The following SLC35F1 variants were observed in gnomAD, a reference collection of about 807,000 sequenced individuals.
The protein encoded by SLC35F1 is chromosome 6 open reading frame 169.
In SLC35F1, 14 loss-of-function variants were observed where a neutral mutation model predicts 48.7. That is an observed-to-expected ratio of 0.29 (90% CI 0.19 to 0.45). The LOEUF (loss-of-function observed/expected upper bound fraction) is 0.45, where lower values mean the gene tolerates loss of function less well. Ranked by LOEUF, SLC35F1 falls within the 20% of genes least tolerant of loss-of-function variation. The probability of loss-of-function intolerance (pLI) is 1.00; values close to 1 mark genes in which losing one functional copy is unlikely to be tolerated. For synonymous variants in SLC35F1, 190 were observed against 202.2 expected, an observed-to-expected ratio of 0.94 and a Z score of 0.51; for missense variants, 404 against 500.0, an observed-to-expected ratio of 0.81 and a Z score of 1.83.
intron 2 of SLC35F1, among the ~76,000 whole-genome samples, chr6:118,177,209 G>A (rs888211113): frequency 6.6e-6 from 1 of 151,810 alleles, no homozygotes; most frequent in East Asian, 1.9e-4. Context: ...GCCTATCATC[G>A]CTTTCCTTGC....
chr6:118,158,808 A>G (rs1469731710), intron 2 of SLC35F1, among the ~76,000 whole-genome samples: 1 of 152,170 alleles, frequency 6.6e-6, no homozygotes, highest in Non-Finnish European at 1.5e-5. Context: ...TTCTTACAAA[A>G]ATTTGGGTAC....
intron 3 of SLC35F1, among the ~76,000 whole-genome samples, chr6:118,242,153 C>G (rs1292002372): frequency 1.3e-5 from 2 of 152,194 alleles, no homozygotes; most frequent in Non-Finnish European, 2.9e-5. Context: ...CAAGCTAATT[C>G]CCATAGCAGC....
At chr6:118,179,519 A>T (rs2114507826) in intron 2 of SLC35F1, among the ~76,000 whole-genome samples, 1 of 152,262 alleles carries the variant, frequency 6.6e-6, no homozygotes, top group South Asian at 2.1e-4. Context: ...TTCTTTGCTC[A>T]GTGGACTGAT....
chr6:118,238,449 A>ATAG (rs1183188958), intron 3 of SLC35F1, among the ~76,000 whole-genome samples: 1 of 150,694 alleles, frequency 6.6e-6, no homozygotes, highest in African/African-American at 2.4e-5. Flanking sequence ...AATAATAATA[A>ATAG]TAATAATAAT....
intron 1 of SLC35F1, among the ~76,000 whole-genome samples, chr6:118,153,696 G>A (rs574507570): frequency 1.2e-4 from 18 of 152,234 alleles, no homozygotes; most frequent in Non-Finnish European, 2.1e-4. Flanking sequence ...TAGGGGCAGC[G>A]CCTATGAAAA....
chr6:117,989,756 T>A (rs562108044), intron 1 of SLC35F1, among the ~76,000 whole-genome samples: 1 of 152,250 alleles, frequency 6.6e-6, no homozygotes, highest in Admixed American at 6.5e-5. Flanking sequence ...ATAAGTAGAA[T>A]AAAGTAAAGC....
chr6:117,935,727 G>GAC (rs1273691117), intron 1 of SLC35F1, among the ~76,000 whole-genome samples: 8 of 152,148 alleles, frequency 5.3e-5, no homozygotes, highest in Non-Finnish European at 7.3e-5. Flanking sequence ...ACCGCAAAAA[G>GAC]ACACTTGCTT....
chr6:118,132,962 T>C (rs1235864616), intron 1 of SLC35F1, among the ~76,000 whole-genome samples: 1 of 152,066 alleles, frequency 6.6e-6, no homozygotes, highest in East Asian at 1.9e-4. Context: ...GAGGAAGGCA[T>C]GGAGATGGGA....
intron 2 of SLC35F1, among the ~76,000 whole-genome samples, chr6:118,228,762 G>C (rs902992536): frequency 6.6e-6 from 1 of 151,976 alleles, no homozygotes; most frequent in Non-Finnish European, 1.5e-5. Context: ...ATGATATTAA[G>C]GCATCACACT....
rs115598280 is a variant in SLC35F1, at chr6:117,994,627, G to A, written c.173+86728G>A. ...GGGCAAGGTATATTTTCAAAGCCTTGTGGCTGATATTTTTGGCACTGGGAT... is the reference window on the plus strand; with the variant it reads ...GGGCAAGGTATATTTTCAAAGCCTTATGGCTGATATTTTTGGCACTGGGAT... On this transcript the variant is annotated intron_variant, in intron 1 of 7. Coordinates refer to ENST00000360388, the MANE Select transcript of SLC35F1 (RefSeq NM_001029858.4). 3.6e-3 allele frequency among the ~76,000 whole-genome samples: 549 copies of A among 152,260 alleles called. 1 individual carries two copies. The highest frequency in any genetic ancestry group is 0.012 in the African/African-American group (482 of 41,548).
chr6:117,957,467 C>T (rs546333534), intron 1 of SLC35F1, among the ~76,000 whole-genome samples: 25 of 152,222 alleles, frequency 1.6e-4, no homozygotes, highest in East Asian at 1.2e-3. Context: ...ATTTTAGATG[C>T]GATCTTGATA....
intron 1 of SLC35F1, among the ~76,000 whole-genome samples, chr6:118,055,410 G>C (rs1772450054): frequency 6.6e-6 from 1 of 152,104 alleles, no homozygotes; most frequent in African/African-American, 2.4e-5. Flanking sequence ...AGTATCATGA[G>C]CATTTGGAAG....
At chr6:117,987,349 T>C (rs1300519965) in intron 1 of SLC35F1, among the ~76,000 whole-genome samples, 1 of 149,524 alleles carries the variant, frequency 6.7e-6, no homozygotes, top group Non-Finnish European at 1.5e-5. Context: ...CCTCCTCTTA[T>C]TCGTCCATTT....
intron 1 of SLC35F1, among the ~76,000 whole-genome samples, chr6:117,918,872 G>A (rs1490685772): frequency 6.6e-6 from 1 of 152,012 alleles, no homozygotes; most frequent in East Asian, 1.9e-4. Context: ...GAGAGAGAGA[G>A]AAGAGGGAAT....
intron 1 of SLC35F1, among the ~76,000 whole-genome samples, chr6:118,044,172 C>T (rs144997462): frequency 7.0e-4 from 107 of 152,316 alleles, no homozygotes; most frequent in Middle Eastern, 3.4e-3. Flanking sequence ...GTTTAGTCTA[C>T]ATACTTCTGG....
Position 118,274,278 on chromosome 6 carries a change from C to T in SLC35F1, c.638-1181C>T, listed in dbSNP as rs116021907. The stretch of plus-strand genomic sequence containing the variant: ...GTGAGGCCACTCTAGCTGCTTATTT[C>T]TGCTCTCCTCCTTCCCTGGCTCCAT... On this transcript the variant is annotated intron_variant, in intron 4 of 7. Coordinates refer to ENST00000360388, the MANE Select transcript of SLC35F1 (RefSeq NM_001029858.4). 5.0e-3 allele frequency among the ~76,000 whole-genome samples: 767 copies of T among 152,322 alleles called. 8 individuals are homozygous for T. The highest frequency in any genetic ancestry group is 0.017 in the African/African-American group (709 of 41,576).
In SLC35F1 at chr6:118,135,935, A is replaced by G. The variant is rs574037795; in HGVS notation, c.174-18510A>G. On this transcript the variant is annotated intron_variant, in intron 1 of 7. Transcript: ENST00000360388. ...GCAGCCTGGTATTCTCTTTTGCCAG[A>G]GGTCCTATAAAAGACAGCTGGGTTA... is the stretch of plus-strand genomic sequence containing the variant. Among the ~76,000 whole-genome samples, 100 of 152,310 alleles carry G rather than the reference A, an allele frequency of 6.6e-4. 1 individual carries two copies. Among genetic ancestry groups the G allele is most frequent in the Non-Finnish European group, 1.1e-3 (72 of 68,032 alleles).
At chr6:117,966,148 C>T (rs998604429) in intron 1 of SLC35F1, among the ~76,000 whole-genome samples, 14 of 146,300 alleles carry the variant, frequency 9.6e-5, no homozygotes, top group East Asian at 2.1e-4. Context: ...CCCCCACTCC[C>T]GCCCCGCCCC....
intron 1 of SLC35F1, among the ~76,000 whole-genome samples, chr6:117,979,258 G>T (rs1776744258): frequency 6.6e-6 from 1 of 152,182 alleles, no homozygotes; most frequent in Non-Finnish European, 1.5e-5. Context: ...CAAAGTTGGT[G>T]GTGGAACAGG....
Sources: allele counts gnomAD v4.1 joint callset (sites outside exome capture counted in the v4.1 genomes callset), GRCh38; gene constraint gnomAD v4.1.1; transcripts MANE v1.5; gene names NCBI Gene and HGNC (gene_info 2026-07-23, HGNC 2026-07-21).